Variants in NPAS3 observed in about 807,000 individuals in gnomAD.
NPAS3 encodes neuronal PAS domain-containing protein 3.
Under a neutral mutation model 73.1 loss-of-function variants are expected in NPAS3, and 14 were observed. The observed-to-expected ratio is 0.19, with a 90% CI of 0.13 to 0.30. NPAS3 has a LOEUF of 0.30. Ranked by LOEUF, NPAS3 falls within the 10% of genes least tolerant of loss-of-function variation. The pLI is 1.00. For missense variants in NPAS3, 1,096 were observed against 1,250.0 expected (o/e 0.88, Z 1.86); for synonymous variants, 620 against 541.5 (o/e 1.14, Z -2.01).
intron 4 of NPAS3, among the ~76,000 whole-genome samples, chr14:33,464,046 A>T (rs2050393400): frequency 6.6e-6 from 1 of 152,228 alleles, no homozygotes. Flanking sequence ...ATCAGAGCCC[A>T]TCAAAAGCTG....
chr14:33,533,115 G>T (rs2054112662), intron 4 of NPAS3, among the ~76,000 whole-genome samples: 1 of 152,066 alleles, frequency 6.6e-6, no homozygotes, highest in Admixed American at 6.6e-5. Flanking sequence ...GTGGAGAAGA[G>T]CTTCTTATGA....
chr14:33,363,963 A>G (rs1458860832), intron 3 of NPAS3, among the ~76,000 whole-genome samples: 1 of 107,896 alleles, frequency 9.3e-6, no homozygotes, highest in African/African-American at 3.2e-5. Context: ...GTGTGTGTGT[A>G]TAGGTTAATT....
intron 2 of NPAS3, among the ~76,000 whole-genome samples, chr14:33,155,820 T>C (rs1210709217): frequency 6.6e-6 from 1 of 152,222 alleles, no homozygotes; most frequent in East Asian, 1.9e-4. Flanking sequence ...ATTTTGGGGA[T>C]GCCAGCAACA....
At chr14:33,549,017 G>T (rs2054980928) in intron 4 of NPAS3, among the ~76,000 whole-genome samples, 1 of 152,172 alleles carries the variant, frequency 6.6e-6, no homozygotes, top group East Asian at 1.9e-4. Flanking sequence ...GAGCATATGT[G>T]AACATGTTTA....
chr14:33,155,634 T>A (rs7141245), intron 2 of NPAS3, among the ~76,000 whole-genome samples: 129,543 of 152,150 alleles, frequency 0.85, 55,814 homozygotes, highest in African/African-American at 0.95. Flanking sequence ...CAGAGCCAAG[T>A]TTCCTTAGCA....
intron 1 of NPAS3, among the ~76,000 whole-genome samples, chr14:33,015,543 G>C (rs1595230727): frequency 6.6e-6 from 1 of 151,630 alleles, no homozygotes; most frequent in African/African-American, 2.4e-5. Context: ...AGCCAATCTT[G>C]TCCCAAGGAT....
intron 7 of NPAS3, among the ~76,000 whole-genome samples, chr14:33,761,106 G>T (rs2062271752): frequency 6.6e-6 from 1 of 152,138 alleles, no homozygotes; most frequent in African/African-American, 2.4e-5. Flanking sequence ...CCCATACTAT[G>T]GACAGAACGT....
At chr14:33,470,255 A>G (rs1238152891) in intron 4 of NPAS3, among the ~76,000 whole-genome samples, 1 of 152,238 alleles carries the variant, frequency 6.6e-6, no homozygotes, top group African/African-American at 2.4e-5. Context: ...AGGAAAGGGA[A>G]CATAGATCCT....
chr14:33,234,708 A>G (rs1211509933), intron 3 of NPAS3, among the ~76,000 whole-genome samples: 1 of 152,030 alleles, frequency 6.6e-6, no homozygotes, highest in Non-Finnish European at 1.5e-5. Flanking sequence ...AAGTGTGCAT[A>G]ATTTTTTTGT....
intron 4 of NPAS3, among the ~76,000 whole-genome samples, chr14:33,391,471 G>T (rs968714351): frequency 3.3e-5 from 5 of 152,044 alleles, no homozygotes; most frequent in Non-Finnish European, 5.9e-5. Flanking sequence ...GGGATTACAG[G>T]CGTGAGCCAC....
chr14:33,242,556 C>T (rs1001724639), intron 3 of NPAS3, among the ~76,000 whole-genome samples: 4 of 152,158 alleles, frequency 2.6e-5, no homozygotes, highest in Admixed American at 1.3e-4. Flanking sequence ...TTTCAAATGT[C>T]TTAGTCAGAG....
chr14:33,012,548 A>G (rs946154465), intron 1 of NPAS3, among the ~76,000 whole-genome samples: 10 of 150,934 alleles, frequency 6.6e-5, no homozygotes, highest in Admixed American at 2.6e-4. Flanking sequence ...CCTCAAAGTC[A>G]TATCTTTTTT....
At chr14:33,658,288 CAGAT>C (rs1307211013) in intron 5 of NPAS3, among the ~76,000 whole-genome samples, 1 of 152,194 alleles carries the variant, frequency 6.6e-6, no homozygotes, top group Non-Finnish European at 1.5e-5. Context: ...GTGGTGAAGA[CAGAT>C]AGAGGAGAAA....
intron 5 of NPAS3, among the ~76,000 whole-genome samples, chr14:33,667,382 C>T (rs1350664512): frequency 6.6e-6 from 1 of 152,138 alleles, no homozygotes; most frequent in Non-Finnish European, 1.5e-5. Flanking sequence ...TAGAACCTAT[C>T]AGGTTCTCAA....
chr14:33,447,994 G>C (rs944581814), intron 4 of NPAS3, among the ~76,000 whole-genome samples: 3 of 152,196 alleles, frequency 2.0e-5, no homozygotes, highest in Non-Finnish European at 4.4e-5. Context: ...GTCTCTACAT[G>C]TGTGGCAGAG....
At chr14:33,324,078 G>T (rs1263802471) in intron 3 of NPAS3, among the ~76,000 whole-genome samples, 1 of 152,232 alleles carries the variant, frequency 6.6e-6, no homozygotes, top group Non-Finnish European at 1.5e-5. Context: ...GAAGCAGACA[G>T]TGACCGCAGG....
At chr14:33,123,951 T>C (rs957322061) in intron 2 of NPAS3, among the ~76,000 whole-genome samples, 4 of 150,888 alleles carry the variant, frequency 2.7e-5, no homozygotes, top group African/African-American at 9.7e-5. Flanking sequence ...AATCTCCACT[T>C]CTGGGCTCAG....
At chr14:33,381,370 A>C (rs1046642058) in intron 4 of NPAS3, among the ~76,000 whole-genome samples, 1 of 152,326 alleles carries the variant, frequency 6.6e-6, no homozygotes, top group East Asian at 1.9e-4. Context: ...GTTTCACTGG[A>C]TTCACAGCTA....
At chr14:33,114,729 A>C (rs1235141404) in intron 2 of NPAS3, among the ~76,000 whole-genome samples, 2 of 152,162 alleles carry the variant, frequency 1.3e-5, no homozygotes, top group East Asian at 3.9e-4. Context: ...CTTATTGACG[A>C]GATCCAGTTT....
Sources: allele counts gnomAD v4.1 joint callset (sites outside exome capture counted in the v4.1 genomes callset), GRCh38; gene constraint gnomAD v4.1.1; transcripts MANE v1.5; gene names NCBI Gene and HGNC (gene_info 2026-07-23, HGNC 2026-07-21).